The following SYT16 variants were observed in gnomAD, a reference collection of about 807,000 sequenced individuals.
The protein encoded by SYT16 is synaptotagmin 16.
A neutral mutation model predicts 61.4 loss-of-function variants in SYT16; 42 were observed. That is an observed-to-expected ratio of 0.68 (90% CI 0.53 to 0.89). SYT16 has a LOEUF of 0.89. Ranked by LOEUF, SYT16 falls within the 40% of genes least tolerant of loss-of-function variation. The pLI is 0.00. For missense variants in SYT16, 804 were observed against 807.3 expected, an observed-to-expected ratio of 1.00 and a Z score of 0.05; for synonymous variants, 314 against 302.3, an observed-to-expected ratio of 1.04 and a Z score of -0.40.
chr14:62,067,347 AG>A (rs2056103370), intron 3 of SYT16, among the ~76,000 whole-genome samples: 2 of 152,100 alleles, frequency 1.3e-5, no homozygotes, highest in African/African-American at 4.8e-5. Context: ...TACTTAAGGG[AG>A]GGTGTTCAGG....
intron 2 of SYT16, among the ~76,000 whole-genome samples, chr14:61,981,061 C>T (rs1471546289): frequency 6.6e-6 from 1 of 152,100 alleles, no homozygotes; most frequent in African/African-American, 2.4e-5. Flanking sequence ...AGCTGATAGA[C>T]TGGAGATCCA....
chr14:61,956,685 T>C (rs1037483195), intron 1 of SYT16, among the ~76,000 whole-genome samples: 2 of 152,064 alleles, frequency 1.3e-5, no homozygotes, highest in Non-Finnish European at 2.9e-5. Flanking sequence ...GTAAGTGCCA[T>C]GCTGTTTTGA....
At chr14:61,898,172 A>G (rs1447096500) in intron 1 of SYT16, among the ~76,000 whole-genome samples, 1 of 152,212 alleles carries the variant, frequency 6.6e-6, no homozygotes, top group East Asian at 1.9e-4. Context: ...GAGTGAAACA[A>G]AGGTTGAGGA....
At chr14:61,834,349 C>T (rs1306945752) in intron 1 of SYT16, among the ~76,000 whole-genome samples, 1 of 147,446 alleles carries the variant, frequency 6.8e-6, no homozygotes, top group Non-Finnish European at 1.5e-5. Context: ...CCAGGTTGGT[C>T]TTAGACTCTT....
At chr14:62,088,610 G>A (rs1447777570) in intron 7 of SYT16, among the ~76,000 whole-genome samples, 4 of 152,062 alleles carry the variant, frequency 2.6e-5, no homozygotes, top group Non-Finnish European at 5.9e-5. Flanking sequence ...TTTCACTTTA[G>A]GTAAATTTTA....
chr14:62,084,137 C>A (rs2056804924), intron 6 of SYT16, 59 bp from the exon 7 acceptor site: 1 of 1,556,732 alleles, frequency 6.4e-7, no homozygotes, highest in African/African-American at 1.4e-5. Context: ...TATCGGCTTT[C>A]TCTAAAAGAG....
At chr14:61,948,235 G>T (rs546651882) in intron 1 of SYT16, among the ~76,000 whole-genome samples, 4 of 152,182 alleles carry the variant, frequency 2.6e-5, no homozygotes, top group African/African-American at 9.6e-5. Context: ...CTGCGTAAGT[G>T]TATGTGTGTA....
At chr14:62,060,639 T>TA (rs2055785418) in intron 3 of SYT16, among the ~76,000 whole-genome samples, 1 of 152,112 alleles carries the variant, frequency 6.6e-6, no homozygotes, top group Non-Finnish European at 1.5e-5. Flanking sequence ...TTTAGTATCT[T>TA]AAACCAACCT....
chr14:61,889,313 G>C (rs2048031671), intron 1 of SYT16, among the ~76,000 whole-genome samples: 1 of 152,222 alleles, frequency 6.6e-6, no homozygotes, highest in Non-Finnish European at 1.5e-5. Flanking sequence ...AGGTTTATAA[G>C]ATACTGGAGG....
intron 7 of SYT16, among the ~76,000 whole-genome samples, chr14:62,086,434 T>G (rs1050161329): frequency 6.6e-6 from 1 of 152,038 alleles, no homozygotes; most frequent in Non-Finnish European, 1.5e-5. Flanking sequence ...GAGCCAAGAT[T>G]GCACCACTGC....
intron 3 of SYT16, among the ~76,000 whole-genome samples, chr14:62,051,261 C>A (rs893528080): frequency 6.6e-6 from 1 of 152,224 alleles, no homozygotes; most frequent in South Asian, 2.1e-4. Flanking sequence ...GGCTTAGGAC[C>A]CTCCGAGCCA....
chr14:61,837,487 C>T (rs964070109), intron 1 of SYT16, among the ~76,000 whole-genome samples: 4 of 152,130 alleles, frequency 2.6e-5, no homozygotes, highest in African/African-American at 7.2e-5. Context: ...GATCCTCCCA[C>T]CTCAGCCTCC....
rs892737265 is a variant in SYT16, at chr14:61,841,648, A to G, written c.-325+28838A>G. ...TATTGGACATTGTACTCAGCAAGTA[A>G]TTTTCAGTCCTTCCCTCTGTGGAGT... On this transcript the variant is annotated intron_variant, in intron 1 of 7. Transcript: ENST00000683842. Among the ~76,000 whole-genome samples, 9 of 152,202 alleles carry G rather than the reference A, an allele frequency of 5.9e-5. No homozygotes were observed. The East Asian group carries it at 7.7e-4, about 13-fold the overall frequency.
intron 3 of SYT16, among the ~76,000 whole-genome samples, chr14:62,056,463 A>G (rs1459368019): frequency 6.6e-6 from 1 of 152,194 alleles, no homozygotes; most frequent in Non-Finnish European, 1.5e-5. Flanking sequence ...CTAAATTTCT[A>G]CAGGAAAGGG....
intron 1 of SYT16, among the ~76,000 whole-genome samples, chr14:61,821,133 C>T (rs1420960651): frequency 6.8e-6 from 1 of 147,086 alleles, no homozygotes; most frequent in Non-Finnish European, 1.5e-5. Context: ...AGCCGCTGGG[C>T]TGCCTTCAAC....
chr14:62,046,441 G>C (rs928256019), intron 3 of SYT16, among the ~76,000 whole-genome samples: 2 of 152,176 alleles, frequency 1.3e-5, no homozygotes, highest in Non-Finnish European at 2.9e-5. Flanking sequence ...TTGCTGTGCA[G>C]AAGCTCTTTA....
Position 62,021,184 on chromosome 14 carries a change from G to C in SYT16, c.523+24642G>C, listed in dbSNP as rs191815108. On this transcript the variant is annotated intron_variant, in intron 3 of 7. Transcript: ENST00000683842. ...GGGATGATTATTCCATTGCTTTTAC[G>C]GTCACAATCACTCCAGAAGGCAAGA... Among the ~76,000 whole-genome samples, 246 of 152,184 alleles carry C rather than the reference G, an allele frequency of 1.6e-3. 2 individuals are homozygous for C. Among genetic ancestry groups the C allele is most frequent in the Admixed American group, 0.011 (171 of 15,292 alleles).
intron 3 of SYT16, among the ~76,000 whole-genome samples, chr14:62,010,683 G>A (rs1002117835): frequency 3.3e-5 from 5 of 152,064 alleles, no homozygotes; most frequent in Non-Finnish European, 5.9e-5. Flanking sequence ...TTCATGGAAG[G>A]ACTTTGAGAA....
chr14:61,820,545 G>A (rs1158541475), intron 1 of SYT16, among the ~76,000 whole-genome samples: 2 of 125,270 alleles, frequency 1.6e-5, no homozygotes, highest in Non-Finnish European at 3.2e-5. Context: ...GCAGTGGCAC[G>A]ATCTCGGCTC....
Sources: allele counts gnomAD v4.1 joint callset (sites outside exome capture counted in the v4.1 genomes callset), GRCh38; gene constraint gnomAD v4.1.1; transcripts MANE v1.5; gene names NCBI Gene and HGNC (gene_info 2026-07-23, HGNC 2026-07-21).